WDR89: variants seen among roughly 807,000 people sequenced by gnomAD.
The protein encoded by WDR89 is WD repeat domain 89, also known as WD repeat-containing protein 89.
A neutral mutation model predicts 29.1 loss-of-function variants in WDR89; 17 were observed. That is an observed-to-expected ratio of 0.58 (90% CI 0.40 to 0.88). WDR89 has a LOEUF of 0.88. WDR89 is among the 40% of genes least tolerant of loss of function. The pLI is 0.00. For synonymous variants in WDR89, 138 were observed against 157.8 expected, an observed-to-expected ratio of 0.87 and a Z score of 0.94; for missense variants, 396 against 456.3, an observed-to-expected ratio of 0.87 and a Z score of 1.20.
intron 2 of WDR89, among the ~76,000 whole-genome samples, chr14:63,607,314 C>T (rs1177917403): frequency 2.0e-5 from 3 of 152,078 alleles, no homozygotes; most frequent in African/African-American, 7.2e-5. Flanking sequence ...AGGTGCCCAC[C>T]ACCATGCCCG....
At chr14:63,638,586 G>T (rs1260360441) in intron 1 of WDR89, among the ~76,000 whole-genome samples, 2 of 152,120 alleles carry the variant, frequency 1.3e-5, no homozygotes, top group Non-Finnish European at 2.9e-5. Context: ...AGAATTCAAA[G>T]AAATTTTACT....
intron 1 of WDR89, among the ~76,000 whole-genome samples, chr14:63,627,947 T>G (rs1883173626): frequency 6.6e-6 from 1 of 152,174 alleles, no homozygotes; most frequent in African/African-American, 2.4e-5. Context: ...ATTAAATTTC[T>G]CTAATAGGCT....
intron 2 of WDR89, among the ~76,000 whole-genome samples, chr14:63,605,551 C>G (rs1292405448): frequency 6.6e-6 from 1 of 151,990 alleles, no homozygotes; most frequent in Non-Finnish European, 1.5e-5. Context: ...CCTCTGCCTC[C>G]CGGGTTCAAG....
At chr14:63,641,434 T>C (rs1046375912) in intron 1 of WDR89, 1 of 152,184 alleles carries the variant, frequency 6.6e-6, no homozygotes, top group East Asian at 1.9e-4. Context: ...CTAAACCCTT[T>C]TAGTGGTGGG....
chr14:63,610,914 C>A (rs1454405756), intron 2 of WDR89, among the ~76,000 whole-genome samples: 7 of 151,770 alleles, frequency 4.6e-5, no homozygotes, highest in Non-Finnish European at 1.0e-4. Flanking sequence ...GTTGGCCAGG[C>A]TGGTCTCGAA....
At chr14:63,634,347 C>T (rs559713652) in intron 1 of WDR89, among the ~76,000 whole-genome samples, 5 of 152,242 alleles carry the variant, frequency 3.3e-5, no homozygotes, top group African/African-American at 1.2e-4. Flanking sequence ...CATGGTGAAA[C>T]CCCTTCTCTA....
intron 2 of WDR89, among the ~76,000 whole-genome samples, chr14:63,612,826 A>G (rs1489212630): frequency 6.6e-6 from 1 of 152,090 alleles, no homozygotes; most frequent in Non-Finnish European, 1.5e-5. Context: ...AGGAATGAAG[A>G]GTTGGTAGGG....
chr14:63,598,039 C>T lies in WDR89; in HGVS notation c.*740G>A, dbSNP rs1488038959. The T allele has an allele frequency of 1.3e-5, 2 of 152,120 alleles. No individual in the cohort carries two copies. Among genetic ancestry groups the T allele is most frequent in the African/African-American group, 4.8e-5 (2 of 41,432 alleles). 9.4% of individuals were successfully genotyped at this position (152,120 alleles called of 1,614,324 possible). A position where few individuals can be genotyped will look rare whatever the true frequency, so the allele number is the denominator to read the frequency against. ...GTTAGGAGAAGAGGAAAGAGAAAAG[C>T]CCAGGTTATCCTCAGATTTATGGTT... On this transcript the variant is annotated 3_prime_UTR_variant, in exon 3 of 3. Transcript: ENST00000620954.
At chr14:63,636,709 C>G (rs969959140) in intron 1 of WDR89, among the ~76,000 whole-genome samples, 2 of 152,230 alleles carry the variant, frequency 1.3e-5, no homozygotes, top group African/African-American at 4.8e-5. Context: ...AATTGGCTAG[C>G]CACATGGAGG....
rs61985669 is a variant in WDR89 at position 63,641,864 on chromosome 14, A to C, written c.-198T>G. The C allele has an allele frequency of 0.11, 17,237 of 152,334 alleles. 2,246 individuals carry two copies. The highest frequency in any genetic ancestry group is 0.32 in the African/African-American group (13,368 of 41,524). The allele number at this position is 152,334 out of a possible 1,614,324, so 9.4% of individuals were successfully genotyped here. A position where few individuals can be genotyped will look rare whatever the true frequency, so the allele number is the denominator to read the frequency against. ...GCTGCGCGGCGGCTTAGAGCGGTCAAGTGGAACCCCGCCTCGACCTCTCTG... is the reference window on the plus strand; with the variant it reads ...GCTGCGCGGCGGCTTAGAGCGGTCACGTGGAACCCCGCCTCGACCTCTCTG... On this transcript the variant is annotated 5_prime_UTR_variant, in exon 1 of 3. Coordinates refer to ENST00000620954, the MANE Select transcript of WDR89 (RefSeq NM_080666.4).
intron 1 of WDR89, among the ~76,000 whole-genome samples, chr14:63,631,209 C>T (rs1883379221): frequency 6.6e-6 from 1 of 152,104 alleles, no homozygotes; most frequent in South Asian, 2.1e-4. Context: ...CACACTATAT[C>T]CCAGAAATAT....
rs906444114 is a variant in WDR89 at position 63,597,407 on chromosome 14, C to T, written c.*1372G>A. The T allele has an allele frequency of 2.0e-5, 3 of 152,160 alleles. No homozygotes were observed. Among genetic ancestry groups the T allele is most frequent in the Non-Finnish European group, 4.4e-5 (3 of 68,016 alleles). The allele number at this position is 152,160 out of a possible 1,614,324, so 9.4% of individuals were successfully genotyped here. A position where few individuals can be genotyped will look rare whatever the true frequency, so the allele number is the denominator to read the frequency against. On this transcript the variant is annotated 3_prime_UTR_variant, in exon 3 of 3. Coordinates refer to ENST00000620954, the MANE Select transcript of WDR89 (RefSeq NM_080666.4). ...TTCTAATAACCCACTGCCCCCATTT[C>T]TTTTTTAACTTTTTTCACTTTCTAA...
chr14:63,615,924 T>TAAAAAAA (rs113469632), intron 2 of WDR89, among the ~76,000 whole-genome samples: 178 of 132,678 alleles, frequency 1.3e-3, no homozygotes, highest in African/African-American at 4.7e-3. Context: ...ACCCTGTCTT[T>TAAAAAAA]AAAAAAAAAA....
chr14:63,600,901 T>C (rs1415372622), intron 2 of WDR89, among the ~76,000 whole-genome samples: 1 of 152,154 alleles, frequency 6.6e-6, no homozygotes, highest in African/African-American at 2.4e-5. Flanking sequence ...TCCTAGATTA[T>C]CTGTTATCAC....
chr14:63,621,218 C>CA (rs1338458018), intron 2 of WDR89, among the ~76,000 whole-genome samples: 4 of 152,126 alleles, frequency 2.6e-5, no homozygotes, highest in African/African-American at 7.2e-5. Flanking sequence ...TATGTTCGTG[C>CA]AAAAAAACTT....
chr14:63,606,269 A>G (rs1465612732), intron 2 of WDR89, among the ~76,000 whole-genome samples: 2 of 152,208 alleles, frequency 1.3e-5, no homozygotes, highest in Non-Finnish European at 2.9e-5. Flanking sequence ...TTTTAACAAA[A>G]GAGTTTTAGA....
chr14:63,620,931 G>C (rs997627579), intron 2 of WDR89, among the ~76,000 whole-genome samples: 3 of 146,978 alleles, frequency 2.0e-5, no homozygotes, highest in African/African-American at 8.0e-5. Flanking sequence ...AGAGTTGCTA[G>C]GAGAGTAGAT....
At chr14:63,639,685 A>G (rs1321376262) in intron 1 of WDR89, among the ~76,000 whole-genome samples, 1 of 152,226 alleles carries the variant, frequency 6.6e-6, no homozygotes, top group Non-Finnish European at 1.5e-5. Flanking sequence ...TATCTTAAAC[A>G]CATGGAAATC....
chr14:63,599,707 G>T lies in WDR89; in HGVS notation c.236C>A (p.Ala79Glu), dbSNP rs1468744898. ...YPGLLNGVRF[A>E]NSCDSVYSAC... is the part of the protein sequence containing the mutation. ...TGAATATACACTGTCACAGGAATTTGCAAATCTGACTCCATTAAGAAGTCC... is the reference window on the plus strand; with the variant it reads ...TGAATATACACTGTCACAGGAATTTTCAAATCTGACTCCATTAAGAAGTCC... The change falls in exon 3 of 3, where the codon GCA (alanine) becomes GAA (glutamate). Residue 79 changes from alanine (A) to glutamate (E), a missense_variant. Coordinates refer to ENST00000620954, the MANE Select transcript of WDR89 (RefSeq NM_080666.4). 6.2e-7 allele frequency: 1 copy of T among 1,614,124 alleles called. No individual in the cohort carries two copies. Among genetic ancestry groups the T allele is most frequent in the South Asian group, 1.1e-5 (1 of 91,084 alleles).
Sources: gnomAD v4.1 joint callset for allele counts (sites outside exome capture counted in the v4.1 genomes callset) on GRCh38, gnomAD v4.1.1 for gene constraint, MANE v1.5 for transcripts, NCBI Gene and HGNC (gene_info 2026-07-23, HGNC 2026-07-21) for gene names.